SHISA6: variants seen among roughly 807,000 people sequenced by gnomAD.
SHISA6 encodes shisa family member 6.
Under a neutral mutation model 47.9 loss-of-function variants are expected in SHISA6, and 22 were observed. That is an observed-to-expected ratio of 0.46 (90% confidence interval 0.33 to 0.66). SHISA6 has a LOEUF of 0.66. Among genes scored for constraint, SHISA6 ranks in the 30% least tolerant of loss-of-function variants. SHISA6 has a pLI of 0.02. For synonymous variants in SHISA6, 388 were observed against 337.8 expected (o/e 1.15, Z -1.63); for missense variants, 680 against 764.6 (o/e 0.89, Z 1.30).
intron 2 of SHISA6, among the ~76,000 whole-genome samples, chr17:11,350,307 G>A (rs1218302548): frequency 1.4e-4 from 3 of 21,818 alleles, no homozygotes; most frequent in Non-Finnish European, 4.0e-4. Context: ...AGCCTCCCGA[G>A]TAGCTGGGAC....
chr17:11,387,064 C>T (rs1232564337), intron 3 of SHISA6, among the ~76,000 whole-genome samples: 2 of 152,154 alleles, frequency 1.3e-5, no homozygotes, highest in African/African-American at 2.4e-5. Flanking sequence ...AGAGCTCGAA[C>T]CGGCACAGCT....
At chr17:11,264,108 C>T (rs1380192473) in intron 2 of SHISA6, among the ~76,000 whole-genome samples, 1 of 152,088 alleles carries the variant, frequency 6.6e-6, no homozygotes, top group Non-Finnish European at 1.5e-5. Context: ...GGCTTATTTT[C>T]CTTGTCTTAC....
At chr17:11,477,315 G>GTTGTCC (rs1555538169) in intron 3 of SHISA6, among the ~76,000 whole-genome samples, 1 of 151,262 alleles carries the variant, frequency 6.6e-6, no homozygotes, top group African/African-American at 2.4e-5. Flanking sequence ...AGTTTTCTGT[G>GTTGTCC]TTGTTCTTTA....
chr17:11,342,805 G>A (rs1193938098), intron 2 of SHISA6, among the ~76,000 whole-genome samples: 9 of 152,208 alleles, frequency 5.9e-5, no homozygotes. Flanking sequence ...AGAAGTAGGG[G>A]CAGAGACAGT....
intron 3 of SHISA6, among the ~76,000 whole-genome samples, chr17:11,438,822 C>T (rs1474336121): frequency 6.6e-6 from 1 of 152,118 alleles, no homozygotes; most frequent in Non-Finnish European, 1.5e-5. Context: ...GAGTATGACT[C>T]ACCTTTAGGG....
chr17:11,405,185 A>T (rs2142267485), intron 3 of SHISA6, among the ~76,000 whole-genome samples: 1 of 152,354 alleles, frequency 6.6e-6, no homozygotes, highest in East Asian at 1.9e-4. Flanking sequence ...ATCCTGATAC[A>T]CAACTGTGAT....
chr17:11,386,382 T>TAAAAAG (rs1313739020), intron 3 of SHISA6, among the ~76,000 whole-genome samples: 1 of 151,694 alleles, frequency 6.6e-6, no homozygotes, highest in Non-Finnish European at 1.5e-5. Flanking sequence ...TCTCAAAAAT[T>TAAAAAG]AAAAAGAAAA....
chr17:11,466,168 T>G (rs960724645), intron 3 of SHISA6, among the ~76,000 whole-genome samples: 4 of 152,146 alleles, frequency 2.6e-5, no homozygotes. Context: ...ACACAATCAC[T>G]GCTCAAAGTG....
chr17:11,304,165 A>G (rs1342337467), intron 2 of SHISA6, among the ~76,000 whole-genome samples: 1 of 152,192 alleles, frequency 6.6e-6, no homozygotes, highest in Non-Finnish European at 1.5e-5. Context: ...TGACTGGCCA[A>G]GAGGCCCCTT....
At chr17:11,531,829 T>G (rs2071735864) in intron 3 of SHISA6, among the ~76,000 whole-genome samples, 1 of 152,196 alleles carries the variant, frequency 6.6e-6, no homozygotes, top group Non-Finnish European at 1.5e-5. Context: ...GCTTAAAGAT[T>G]AGATTTTAAA....
At chr17:11,250,222 G>A (rs1415738662) in intron 1 of SHISA6, among the ~76,000 whole-genome samples, 2 of 152,322 alleles carry the variant, frequency 1.3e-5, no homozygotes, top group Non-Finnish European at 2.9e-5. Flanking sequence ...TTTACGGGAT[G>A]TATGCAGTGA....
rs113499980 is a variant in SHISA6, at chr17:11,321,897, G to A, written c.800-57517G>A. On this transcript the variant is annotated intron_variant, in intron 2 of 5. Transcript: ENST00000441885. ...TTTTTTTTTCAGCTCATCAGCTATT[G>A]TTAGTGTTAGTGTATTTTATGTGTG... 1.3e-3 allele frequency among the ~76,000 whole-genome samples: 202 copies of A among 152,106 alleles called. 2 individuals carry two copies. Among genetic ancestry groups the A allele is most frequent in the African/African-American group, 4.5e-3 (186 of 41,482 alleles).
At chr17:11,535,316 T>C (rs1597574628) in intron 3 of SHISA6, among the ~76,000 whole-genome samples, 1 of 152,112 alleles carries the variant, frequency 6.6e-6, no homozygotes, top group East Asian at 1.9e-4. Context: ...TGGTCTTGTG[T>C]GTCTAACCAA....
chr17:11,252,954 A>G (rs781350708), intron 1 of SHISA6, among the ~76,000 whole-genome samples: 12 of 152,192 alleles, frequency 7.9e-5, no homozygotes, highest in Non-Finnish European at 1.3e-4. Context: ...TATTTATGCA[A>G]TGGGAAATAT....
chr17:11,488,444 T>C (rs975019404), intron 3 of SHISA6, among the ~76,000 whole-genome samples: 4 of 152,190 alleles, frequency 2.6e-5, no homozygotes, highest in African/African-American at 9.7e-5. Flanking sequence ...TGCCTACTTA[T>C]ATTACTAAGG....
chr17:11,429,288 A>T (rs1418294570), intron 3 of SHISA6, among the ~76,000 whole-genome samples: 1 of 152,200 alleles, frequency 6.6e-6, no homozygotes, highest in East Asian at 1.9e-4. Context: ...AATACAAAAA[A>T]GATGGAAGTC....
intron 2 of SHISA6, among the ~76,000 whole-genome samples, chr17:11,309,962 G>T (rs1157107863): frequency 6.6e-6 from 1 of 152,210 alleles, no homozygotes; most frequent in Non-Finnish European, 1.5e-5. Flanking sequence ...AGGACATCCA[G>T]CACTTTTCAG....
chr17:11,459,093 C>T (rs1231069312), intron 3 of SHISA6, among the ~76,000 whole-genome samples: 1 of 151,726 alleles, frequency 6.6e-6, no homozygotes, highest in African/African-American at 2.4e-5. Flanking sequence ...GTGGCAGGCA[C>T]CTGTGGTCCC....
intron 3 of SHISA6, among the ~76,000 whole-genome samples, chr17:11,442,170 T>C (rs1364652616): frequency 6.6e-6 from 1 of 152,238 alleles, no homozygotes; most frequent in Non-Finnish European, 1.5e-5. Flanking sequence ...TGTAATACTA[T>C]CATGTCTTAG....
Sources: gnomAD v4.1 joint callset for allele counts (sites outside exome capture counted in the v4.1 genomes callset) on GRCh38, gnomAD v4.1.1 for gene constraint, MANE v1.5 for transcripts, NCBI Gene and HGNC (gene_info 2026-07-23, HGNC 2026-07-21) for gene names.